The following PDE1C variants were observed in gnomAD, a reference collection of about 807,000 sequenced individuals.
The protein encoded by PDE1C is phosphodiesterase 1C, also known as dual specificity calcium/calmodulin-dependent 3',5'-cyclic nucleotide phosphodiesterase 1C.
A neutral mutation model predicts 93.1 loss-of-function variants in PDE1C; 62 were observed. That is an observed-to-expected ratio of 0.67 (90% CI 0.54 to 0.82). The LOEUF is 0.82. Among genes scored for constraint, PDE1C ranks in the 40% least tolerant of loss-of-function variants. PDE1C has a pLI of 0.00. For missense variants in PDE1C, 742 were observed against 884.6 expected (o/e 0.84, Z 2.04); for synonymous variants, 325 against 310.1 (o/e 1.05, Z -0.50).
At chr7:31,672,653 A>G in the PDE1C span, among the ~76,000 whole-genome samples, 1 of 152,126 alleles carries the variant, frequency 6.6e-6, no homozygotes, top group East Asian at 1.9e-4. Context: ...ATAAATAAAG[A>G]CCATTCAAAT....
chr7:31,696,383 A>G, the PDE1C span, among the ~76,000 whole-genome samples: 1 of 152,236 alleles, frequency 6.6e-6, no homozygotes, highest in Non-Finnish European at 1.5e-5. Flanking sequence ...AAGAAGTGAC[A>G]TCATAAGGGA....
Position 31,806,647 on chromosome 7 carries a change from C to A in PDE1C, c.1891+2384G>T, listed in dbSNP as rs1032595336. On this transcript the variant is annotated intron_variant, in intron 16 of 17. Coordinates refer to ENST00000396191, the MANE Select transcript of PDE1C (RefSeq NM_001191057.4). ...CACATACTACTTCCCCCTGTGCATG[C>A]CCTGGCTCATGGGAGTTTGGGAATA... Among the ~76,000 whole-genome samples, 12 of 151,904 alleles carry A rather than the reference C, an allele frequency of 7.9e-5. 1 individual carries two copies. In the South Asian group the frequency reaches 2.1e-3, roughly 26 times the overall value.
chr7:32,000,999 T>C (rs1785388636), intron 2 of PDE1C, among the ~76,000 whole-genome samples: 1 of 151,810 alleles, frequency 6.6e-6, no homozygotes, highest in Non-Finnish European at 1.5e-5. Flanking sequence ...TATACGTGTG[T>C]GTGTGTGTGT....
chr7:32,076,407 G>A (rs547598436), upstream of PDE1C, among the ~76,000 whole-genome samples: 68 of 152,136 alleles, frequency 4.5e-4, 1 homozygote, highest in African/African-American at 1.5e-3. Context: ...CTGAGAGGCC[G>A]ACGTGGCCGG....
At chr7:32,330,397 A>G (rs929389169) in intron 1 of PDE1C, among the ~76,000 whole-genome samples, 2 of 152,212 alleles carry the variant, frequency 1.3e-5, no homozygotes, top group African/African-American at 4.8e-5. Context: ...CCTGGGCTGG[A>G]TCTAAAATTG....
At chr7:32,130,863 G>A (rs1392281147) in intron 3 of PDE1C, among the ~76,000 whole-genome samples, 1 of 152,008 alleles carries the variant, frequency 6.6e-6, no homozygotes, top group African/African-American at 2.4e-5. Flanking sequence ...ATGACAAAAA[G>A]TATAAGAGCA....
At chr7:32,220,870 A>G (rs1263752634) in intron 1 of PDE1C, among the ~76,000 whole-genome samples, 1 of 152,124 alleles carries the variant, frequency 6.6e-6, no homozygotes, top group Non-Finnish European at 1.5e-5. Flanking sequence ...CATATCATGC[A>G]TGGATCCCCT....
chr7:32,009,519 C>T (rs1675516417), intron 2 of PDE1C, among the ~76,000 whole-genome samples: 1 of 152,194 alleles, frequency 6.6e-6, no homozygotes, highest in African/African-American at 2.4e-5. Flanking sequence ...CTGTGGTCCT[C>T]AAGCCAAAAA....
At position 32,424,856 on chromosome 7, in the gene PDE1C, C is replaced by G. The variant is rs531195854; in HGVS notation, c.310+2966G>C. On this transcript the variant is annotated intron_variant, in intron 1 of 1. Coordinates refer to the PDE1C transcript ENST00000672256. ...ACTAAAATAAAAATAAATAAATAAA[C>G]TAAAGAGTTAACAAACGGAAAATAA... Among the ~76,000 whole-genome samples, 141 of 151,988 alleles carry G rather than the reference C, an allele frequency of 9.3e-4. 1 individual carries two copies. Among genetic ancestry groups the G allele is most frequent in the African/African-American group, 3.2e-3 (132 of 41,476 alleles).
chr7:31,700,473 T>C, the PDE1C span, among the ~76,000 whole-genome samples: 2 of 152,136 alleles, frequency 1.3e-5, no homozygotes, highest in Non-Finnish European at 2.9e-5. Context: ...AAAGAAGCCA[T>C]CTCCCATAAA....
At chr7:32,093,521 G>C (rs1409189242) in intron 3 of PDE1C, among the ~76,000 whole-genome samples, 1 of 152,224 alleles carries the variant, frequency 6.6e-6, no homozygotes, top group African/African-American at 2.4e-5. Context: ...CTTGGGATAA[G>C]ATTCAACTGC....
chr7:31,958,037 G>GA (rs752987763), intron 2 of PDE1C, among the ~76,000 whole-genome samples: 24 of 152,154 alleles, frequency 1.6e-4, no homozygotes, highest in Admixed American at 7.9e-4. Context: ...TAAATATACT[G>GA]AAGTGATTAA....
chr7:31,936,913 C>T (rs932221279), intron 2 of PDE1C, among the ~76,000 whole-genome samples: 3 of 152,128 alleles, frequency 2.0e-5, no homozygotes, highest in African/African-American at 7.2e-5. Flanking sequence ...TGCTTTTATA[C>T]ATTTTAGGGA....
In PDE1C at chr7:31,987,813, C is replaced by A. The variant is rs554499146; in HGVS notation, c.128+63741G>T. 1.1e-4 allele frequency among the ~76,000 whole-genome samples: 16 copies of A among 152,250 alleles called. No individual in the cohort carries two copies. The South Asian group carries it at 1.7e-3, about 16-fold the overall frequency. On this transcript the variant is annotated intron_variant, in intron 2 of 17. Transcript: ENST00000396191. ...CTGTCTTTTGCTGAATTCTCTGGTGCGGAAAACTGTAATGAACTTTCAGTA... is the reference window on the plus strand; with the variant it reads ...CTGTCTTTTGCTGAATTCTCTGGTGAGGAAAACTGTAATGAACTTTCAGTA...
chr7:31,746,538 T>C (rs905503498), downstream of PDE1C, among the ~76,000 whole-genome samples: 1 of 152,188 alleles, frequency 6.6e-6, no homozygotes, highest in African/African-American at 2.4e-5. Context: ...AATGGGCCTG[T>C]GGAAATATCA....
the PDE1C span, among the ~76,000 whole-genome samples, chr7:31,683,709 C>T: frequency 6.6e-6 from 1 of 152,130 alleles, no homozygotes; most frequent in East Asian, 1.9e-4. Context: ...GGTGGAGCCT[C>T]ATCACTCATC....
intron 2 of PDE1C, 141 bp from the exon 3 acceptor site, chr7:31,881,001 G>T: frequency 3.2e-6 from 2 of 619,516 alleles, no homozygotes; most frequent in Non-Finnish European, 5.6e-6. Context: ...TGGGACCAAA[G>T]GAGCAGGTAA....
At chr7:31,707,498 T>G in the PDE1C span, 1 of 517,042 alleles carries the variant, frequency 1.9e-6, no homozygotes, top group Non-Finnish European at 3.4e-6. Flanking sequence ...GTTTTGAATT[T>G]TTATTTTCTA....
chr7:32,000,442 G>A (rs1474261208), intron 2 of PDE1C, among the ~76,000 whole-genome samples: 2 of 152,186 alleles, frequency 1.3e-5, no homozygotes, highest in Admixed American at 6.5e-5. Flanking sequence ...GGCTGGTGGG[G>A]TAGAAGGCAT....
Sources: gnomAD v4.1 joint callset for allele counts (sites outside exome capture counted in the v4.1 genomes callset) on GRCh38, gnomAD v4.1.1 for gene constraint, MANE v1.5 for transcripts, NCBI Gene and HGNC (gene_info 2026-07-23, HGNC 2026-07-21) for gene names.